The following MALRD1 variants were observed in gnomAD, a reference collection of about 807,000 sequenced individuals.
The protein encoded by MALRD1 is MAM and LDL-receptor class A domain-containing protein 1.
In MALRD1, 247 loss-of-function variants were observed where a neutral mutation model predicts 242.1. The observed-to-expected ratio is 1.02, with a 90% confidence interval of 0.92 to 1.13. The LOEUF is 1.13. Among genes scored for constraint, MALRD1 ranks in the 50% most tolerant of loss-of-function variants. The pLI, the probability that MALRD1 is intolerant of heterozygous loss-of-function variation, is 0.00. For synonymous variants in MALRD1, 995 were observed against 866.6 expected, an observed-to-expected ratio of 1.15 and a Z score of -2.60; for missense variants, 2,989 against 2,533.1, an observed-to-expected ratio of 1.18 and a Z score of -3.86.
At chr10:19,686,157 A>C (rs1842574534) in intron 36 of MALRD1, among the ~76,000 whole-genome samples, 1 of 145,756 alleles carries the variant, frequency 6.9e-6, no homozygotes, top group Non-Finnish European at 1.5e-5. Context: ...TTTATTAAAA[A>C]GCTTTAGAAC....
At position 19,378,172 on chromosome 10, in the gene MALRD1, C is replaced by T. The variant is rs375866826; in HGVS notation, c.4442-9356C>T. The stretch of plus-strand genomic sequence containing the variant: ...TTTATGCTATATGAAAGCTACCTCT[C>T]TATCTTGAACTAGAACCATACCAAA... On this transcript the variant is annotated intron_variant, in intron 26 of 39. Transcript: ENST00000454679. 5.9e-5 allele frequency among the ~76,000 whole-genome samples: 9 copies of T among 152,120 alleles called. No homozygotes were observed. In the South Asian group the frequency reaches 1.2e-3, roughly 21 times the overall value.
chr10:19,205,610 T>C (rs527482404), intron 17 of MALRD1, among the ~76,000 whole-genome samples: 2 of 152,198 alleles, frequency 1.3e-5, no homozygotes, highest in South Asian at 2.1e-4. Context: ...TGTGACCTTA[T>C]ATAATAGTGG....
chr10:19,497,307 T>G (rs1157104302), intron 30 of MALRD1, among the ~76,000 whole-genome samples: 1 of 145,910 alleles, frequency 6.9e-6, no homozygotes, highest in African/African-American at 2.7e-5. Flanking sequence ...CTATTCTATA[T>G]TATATAACAC....
At chr10:19,424,067 T>G (rs374171410) in intron 28 of MALRD1, among the ~76,000 whole-genome samples, 7 of 152,202 alleles carry the variant, frequency 4.6e-5, no homozygotes, top group Admixed American at 1.3e-4. Context: ...TGAGTATCAG[T>G]TTAATGAAAA....
chr10:19,282,787 A>T (rs370886963), intron 20 of MALRD1, among the ~76,000 whole-genome samples: 1 of 152,166 alleles, frequency 6.6e-6, no homozygotes, highest in Non-Finnish European at 1.5e-5. Context: ...AAACCAGATC[A>T]TTAGTATATG....
intron 14 of MALRD1, among the ~76,000 whole-genome samples, chr10:19,176,343 G>T (rs1835232520): frequency 6.8e-6 from 1 of 146,526 alleles, no homozygotes; most frequent in Non-Finnish European, 1.5e-5. Flanking sequence ...TTTTTCATTC[G>T]AGAGAGTGTA....
At chr10:19,054,960 T>A (rs1834618680) in intron 1 of MALRD1, among the ~76,000 whole-genome samples, 1 of 152,188 alleles carries the variant, frequency 6.6e-6, no homozygotes, top group African/African-American at 2.4e-5. Context: ...TTTTTAATAT[T>A]TGAGAAAGCT....
chr10:19,116,653 G>A (rs1400151996), intron 5 of MALRD1, among the ~76,000 whole-genome samples: 1 of 152,196 alleles, frequency 6.6e-6, no homozygotes, highest in Non-Finnish European at 1.5e-5. Context: ...AAGGATGGCA[G>A]GCCCTAGACA....
intron 19 of MALRD1, among the ~76,000 whole-genome samples, chr10:19,274,881 A>G (rs1840433519): frequency 6.6e-6 from 1 of 152,148 alleles, no homozygotes. Context: ...TTTTGAGATT[A>G]AAAAAAGCTC....
At chr10:19,052,279 T>TA (rs1834531262) in intron 1 of MALRD1, 1 of 203,788 alleles carries the variant, frequency 4.9e-6, no homozygotes, top group South Asian at 7.4e-5. Context: ...ATTTTCTAGA[T>TA]ACGTCTTGTA....
chr10:19,345,677 A>G (rs1258293173), intron 24 of MALRD1, among the ~76,000 whole-genome samples: 1 of 152,008 alleles, frequency 6.6e-6, no homozygotes, highest in Non-Finnish European at 1.5e-5. Flanking sequence ...ATGTATCTCT[A>G]TCCTTGAAGA....
At chr10:19,371,796 G>C (rs1429620970) in intron 26 of MALRD1, among the ~76,000 whole-genome samples, 1 of 152,100 alleles carries the variant, frequency 6.6e-6, no homozygotes, top group South Asian at 2.1e-4. Flanking sequence ...TAATTGTTTT[G>C]TATTTTCTAT....
chr10:19,083,699 T>C (rs1835568268), intron 2 of MALRD1, among the ~76,000 whole-genome samples: 1 of 151,992 alleles, frequency 6.6e-6, no homozygotes, highest in Non-Finnish European at 1.5e-5. Flanking sequence ...TTACTCATTC[T>C]TGTGGCTGCC....
chr10:19,459,898 G>T (rs1395627533), intron 29 of MALRD1, among the ~76,000 whole-genome samples: 3 of 151,690 alleles, frequency 2.0e-5, no homozygotes, highest in Non-Finnish European at 4.4e-5. Flanking sequence ...AGACATTTTA[G>T]TAAGGCTTAA....
intron 18 of MALRD1, among the ~76,000 whole-genome samples, chr10:19,218,183 C>G (rs375816041): frequency 6.6e-6 from 1 of 151,956 alleles, no homozygotes; most frequent in East Asian, 1.9e-4. Context: ...AATAAATGAT[C>G]AATTTATTAA....
chr10:19,729,850 C>A (rs1835211741), intron 38 of MALRD1, among the ~76,000 whole-genome samples: 1 of 148,374 alleles, frequency 6.7e-6, no homozygotes. Flanking sequence ...CATTCTCCTG[C>A]CTCAGCCTCC....
At chr10:19,718,113 AGAAGAAGAAGAAGAG>A (rs954834251) in intron 38 of MALRD1, among the ~76,000 whole-genome samples, 1 of 149,496 alleles carries the variant, frequency 6.7e-6, no homozygotes, top group Admixed American at 6.6e-5. Flanking sequence ...AAGAGGAAGA[AGAAGAAGAAGAAGAG>A]GAAGAAGAGG....
intron 26 of MALRD1, among the ~76,000 whole-genome samples, chr10:19,361,739 C>G (rs1039327139): frequency 3.3e-5 from 5 of 152,046 alleles, no homozygotes; most frequent in African/African-American, 9.7e-5. Flanking sequence ...AGAGCTCACT[C>G]CTCTAACCAT....
At chr10:19,360,216 T>C (rs1844830171) in intron 26 of MALRD1, among the ~76,000 whole-genome samples, 1 of 152,080 alleles carries the variant, frequency 6.6e-6, no homozygotes, top group African/African-American at 2.4e-5. Context: ...TGGGGCATGA[T>C]GGTGTATATA....
Sources: allele counts gnomAD v4.1 joint callset (sites outside exome capture counted in the v4.1 genomes callset), GRCh38; gene constraint gnomAD v4.1.1; transcripts MANE v1.5; gene names NCBI Gene and HGNC (gene_info 2026-07-23, HGNC 2026-07-21).